The following CEP70 variants were observed in gnomAD, a reference collection of about 807,000 sequenced individuals.
CEP70 encodes the protein centrosomal protein 70.
Under a neutral mutation model 90.9 loss-of-function variants are expected in CEP70, and 70 were observed. That is an observed-to-expected ratio of 0.77 (90% CI 0.64 to 0.94). The LOEUF (loss-of-function observed/expected upper bound fraction) is 0.94. Ranked by LOEUF, CEP70 falls within the 40% of genes least tolerant of loss-of-function variation. The probability of loss-of-function intolerance (pLI) is 0.00; values close to 1 mark genes in which losing one functional copy is unlikely to be tolerated. For missense variants in CEP70, 648 were observed against 669.0 expected (o/e 0.97, Z 0.35); for synonymous variants, 220 against 228.3 (o/e 0.96, Z 0.33).
At chr3:138,530,835 T>G in intron 8 of CEP70, 1 of 985,102 alleles carries the variant, frequency 1.0e-6, no homozygotes, top group Non-Finnish European at 1.2e-6. Context: ...AAATCTATCC[T>G]GAAATTGCCA....
intron 6 of CEP70, among the ~76,000 whole-genome samples, chr3:138,555,585 C>T (rs1373238470): frequency 6.6e-6 from 1 of 152,062 alleles, no homozygotes; most frequent in African/African-American, 2.4e-5. Context: ...CAAATAATCC[C>T]ATCAAAAAGT....
At chr3:138,559,059 A>G (rs2040216120) in intron 6 of CEP70, among the ~76,000 whole-genome samples, 1 of 152,238 alleles carries the variant, frequency 6.6e-6, no homozygotes, top group Non-Finnish European at 1.5e-5. Context: ...TAAAATAAGT[A>G]AATTTAATAT....
rs372709517 is a variant in CEP70, at chr3:138,496,641, G to T, written c.1732+1390C>A. ...TGGATTGTTTTTTTACTCACTAAAG[G>T]TACTCTCCATGTCTGTTACTCAGTA... On this transcript the variant is annotated intron_variant, in intron 17 of 17. Coordinates refer to ENST00000264982, the MANE Select transcript of CEP70 (RefSeq NM_024491.4). 1.4e-5 allele frequency: 14 copies of T among 985,120 alleles called. No individual in the cohort carries two copies. The African/African-American group carries it at 2.4e-4, about 17-fold the overall frequency. The allele number at this position is 985,120 out of a possible 1,614,324, so 61.0% of individuals were successfully genotyped here.
intron 7 of CEP70, among the ~76,000 whole-genome samples, chr3:138,535,940 G>A (rs183193622): frequency 2.3e-4 from 34 of 151,020 alleles, no homozygotes; most frequent in African/African-American, 2.7e-4. Context: ...TGTGTTTGTC[G>A]TTACTTTTCC....
At chr3:138,515,062 G>C (rs3884241) in intron 11 of CEP70, among the ~76,000 whole-genome samples, 82,722 of 151,390 alleles carry the variant, frequency 0.55, 24,147 homozygotes, top group African/African-American at 0.77. Context: ...ACAACAACAA[G>C]AACAATATAT....
chr3:138,523,491 A>C (rs1440444762), intron 11 of CEP70, among the ~76,000 whole-genome samples: 1 of 152,134 alleles, frequency 6.6e-6, no homozygotes. Context: ...GTCTCAGCCC[A>C]AAATCTCCTT....
intron 12 of CEP70, among the ~76,000 whole-genome samples, chr3:138,506,610 A>G (rs931775587): frequency 2.6e-5 from 4 of 152,192 alleles, no homozygotes; most frequent in African/African-American, 9.7e-5. Flanking sequence ...CCCTGGTCAT[A>G]CTTCAAGATA....
chr3:138,582,001 C>G (rs2041885856), intron 2 of CEP70, among the ~76,000 whole-genome samples: 1 of 152,094 alleles, frequency 6.6e-6, no homozygotes, highest in Non-Finnish European at 1.5e-5. Context: ...AAACTTTTAC[C>G]CTAGAATACG....
chr3:138,511,026 T>TTTG (rs34388430), intron 11 of CEP70, among the ~76,000 whole-genome samples: 82,211 of 150,324 alleles, frequency 0.55, 24,120 homozygotes, highest in African/African-American at 0.77. Flanking sequence ...ATGCCCAGTT[T>TTTG]TTGTTGTTGT....
At chr3:138,496,778 C>G (rs557766839) in intron 17 of CEP70, 1 of 985,258 alleles carries the variant, frequency 1.0e-6, no homozygotes, top group Admixed American at 6.2e-5. Context: ...TCAACTTTGA[C>G]CAAATTACAG....
intron 7 of CEP70, among the ~76,000 whole-genome samples, chr3:138,534,082 C>T (rs954491587): frequency 6.6e-6 from 1 of 152,200 alleles, no homozygotes; most frequent in Non-Finnish European, 1.5e-5. Flanking sequence ...CTGCGCCCGG[C>T]CTGAATTTTT....
In CEP70 at chr3:138,508,438, C is replaced by T. The variant is rs768788123; in HGVS notation, c.1050+1G>A. On this transcript the variant is annotated splice_donor_variant, in intron 12 of 17. Coordinates refer to ENST00000264982, the MANE Select transcript of CEP70 (RefSeq NM_024491.4). LOFTEE classifies it high-confidence loss of function. ...TTTGTCATGAAAAATCAATTCAATACCTGAAAGTATCTCTGGTCAATTAGG... is the reference window on the plus strand; with the variant it reads ...TTTGTCATGAAAAATCAATTCAATATCTGAAAGTATCTCTGGTCAATTAGG... 1.3e-5 allele frequency: 20 copies of T among 1,580,634 alleles called. No individual in the cohort carries two copies. Among genetic ancestry groups the T allele is most frequent in the Non-Finnish European group, 1.7e-5 (20 of 1,149,950 alleles).
At chr3:138,552,313 G>A (rs150849895) in intron 6 of CEP70, among the ~76,000 whole-genome samples, 43 of 152,054 alleles carry the variant, frequency 2.8e-4, no homozygotes, top group African/African-American at 7.7e-4. Flanking sequence ...ACTATACCCC[G>A]GAACAAATAA....
At chr3:138,497,795 C>T in intron 17 of CEP70, 1 of 985,240 alleles carries the variant, frequency 1.0e-6, no homozygotes, top group Non-Finnish European at 1.2e-6. Flanking sequence ...GATGCCATCT[C>T]TCATGATAAG....
At chr3:138,590,706 G>C (rs2042341272) in intron 2 of CEP70, among the ~76,000 whole-genome samples, 1 of 151,824 alleles carries the variant, frequency 6.6e-6, no homozygotes, top group Non-Finnish European at 1.5e-5. Context: ...AGCTACTTAG[G>C]AGGCTGAGGC....
chr3:138,529,291 C>T lies in CEP70; in HGVS notation c.781-4G>A. On this transcript the variant is annotated splice_region_variant and splice_polypyrimidine_tract_variant and intron_variant, in intron 9 of 17. Transcript: ENST00000264982. Reference sequence around the variant, plus strand: ...CCTTGAGTTGATTCTGTAATGACTGCAACACATTTCATAGAAAAATAATTA... The same window carrying T: ...CCTTGAGTTGATTCTGTAATGACTGTAACACATTTCATAGAAAAATAATTA... 6.3e-7 allele frequency: 1 copy of T among 1,586,966 alleles called. No individual in the cohort carries two copies. The highest frequency in any genetic ancestry group is 1.2e-5 in the South Asian group (1 of 86,512).
intron 2 of CEP70, among the ~76,000 whole-genome samples, chr3:138,591,549 A>G (rs138135609): frequency 2.1e-4 from 32 of 152,274 alleles, no homozygotes; most frequent in African/African-American, 7.7e-4. Context: ...AGGATAATAA[A>G]AGTACTCAGC....
intron 2 of CEP70, among the ~76,000 whole-genome samples, chr3:138,583,309 T>C (rs1292719077): frequency 6.6e-6 from 1 of 152,198 alleles, no homozygotes; most frequent in Non-Finnish European, 1.5e-5. Flanking sequence ...CCCTGATATA[T>C]AAAGCAAATA....
At chr3:138,590,464 T>C (rs578142613) in intron 2 of CEP70, among the ~76,000 whole-genome samples, 1 of 152,292 alleles carries the variant, frequency 6.6e-6, no homozygotes, top group African/African-American at 2.4e-5. Context: ...GCATTCAGAC[T>C]GTAACTGAAA....
Sources: gnomAD v4.1 joint callset for allele counts (sites outside exome capture counted in the v4.1 genomes callset) on GRCh38, gnomAD v4.1.1 for gene constraint, MANE v1.5 for transcripts, NCBI Gene and HGNC (gene_info 2026-07-23, HGNC 2026-07-21) for gene names.